ABHD6: variants seen among roughly 807,000 people sequenced by gnomAD.
ABHD6 encodes abhydrolase domain containing 6, acylglycerol lipase.
A neutral mutation model predicts 38.8 loss-of-function variants in ABHD6; 33 were observed. That is an observed-to-expected ratio of 0.85 (90% CI 0.64 to 1.14). ABHD6 has a LOEUF of 1.14. Among genes scored for constraint, ABHD6 ranks in the 50% most tolerant of loss-of-function variants. The pLI, the probability that ABHD6 is intolerant of heterozygous loss-of-function variation, is 0.00. For synonymous variants in ABHD6, 147 were observed against 161.6 expected (o/e 0.91, Z 0.69); for missense variants, 380 against 422.6 (o/e 0.90, Z 0.88).
At chr3:58,244,454 A>G (rs543689459) in intron 1 of ABHD6, among the ~76,000 whole-genome samples, 1 of 152,350 alleles carries the variant, frequency 6.6e-6, no homozygotes, top group East Asian at 1.9e-4. Flanking sequence ...GAGTCTACAC[A>G]AAATGAAGTC....
intron 4 of ABHD6, among the ~76,000 whole-genome samples, chr3:58,268,518 G>T (rs1227379480): frequency 1.3e-5 from 2 of 152,148 alleles, no homozygotes; most frequent in African/African-American, 4.8e-5. Context: ...GCTGGCAGAA[G>T]TCTTGGGCAG....
At chr3:58,255,939 C>G (rs181694467) in intron 2 of ABHD6, among the ~76,000 whole-genome samples, 1 of 152,120 alleles carries the variant, frequency 6.6e-6, no homozygotes, top group Admixed American at 6.6e-5. Context: ...GCCACTGCAC[C>G]TGTCTCCTTT....
At chr3:58,280,537 T>C (rs1397587780) in intron 7 of ABHD6, among the ~76,000 whole-genome samples, 3 of 152,226 alleles carry the variant, frequency 2.0e-5, no homozygotes, top group South Asian at 4.1e-4. Context: ...GGTTCAAACA[T>C]GCTCCTTTAG....
rs574159220 is a variant in ABHD6 at position 58,263,738 on chromosome 3, A to T, written c.120-3451A>T. ...ACCAGGTCCTTCCAGCTCTTCCATG[A>T]TCTCACACTGTACTTTGTATGAGAG... On this transcript the variant is annotated intron_variant, in intron 3 of 9. Coordinates refer to ENST00000478253, the MANE Select transcript of ABHD6 (RefSeq NM_001320126.2). This position sits in a 1 kb window ranked among gnomAD's most constrained non-coding sequence, Gnocchi z 4.9. Among the ~76,000 whole-genome samples the T allele has an allele frequency of 6.7e-4, 102 of 152,322 alleles. No homozygotes were observed. The highest frequency in any genetic ancestry group is 1.4e-3 in the Non-Finnish European group (93 of 68,036).
intron 3 of ABHD6, among the ~76,000 whole-genome samples, chr3:58,258,091 T>C (rs1418546714): frequency 6.6e-6 from 1 of 152,292 alleles, no homozygotes; most frequent in East Asian, 1.9e-4. Context: ...GCAGATCACC[T>C]GAGATCGGGA....
chr3:58,271,981 A>G (rs536272139), intron 6 of ABHD6, among the ~76,000 whole-genome samples: 156 of 151,978 alleles, frequency 1.0e-3, no homozygotes, highest in African/African-American at 3.5e-3. Context: ...GGCTAGGCAA[A>G]CTTGAATCCT....
Position 58,269,414 on chromosome 3 carries a change from C to T in ABHD6, c.370C>T (p.Gln124Ter), listed in dbSNP as rs2097443240. 6.2e-7 allele frequency: 1 copy of T among 1,613,536 alleles called. No homozygotes were observed. Among genetic ancestry groups the T allele is most frequent in the African/African-American group, 1.3e-5 (1 of 74,894 alleles). Residue 124 changes from glutamine (Q) to a stop codon, truncating the protein, a stop_gained, in exon 5 of 10, where the codon CAA becomes TAA. Transcript: ENST00000478253. LOFTEE classifies it high-confidence loss of function. The surrounding 1 kb of genome is among the most constrained non-coding windows in gnomAD (Gnocchi z 4.4). The stretch of plus-strand genomic sequence containing the variant: ...CCTGGATGACCTGTCCATAGATGGG[C>T]AAGTTAAGAGGATACACCAGGTAAG... ...SSLDDLSIDG[Q>*]VKRIHQFVEC...
At chr3:58,268,226 C>T (rs1227297555) in intron 4 of ABHD6, among the ~76,000 whole-genome samples, 1 of 152,218 alleles carries the variant, frequency 6.6e-6, no homozygotes, top group Non-Finnish European at 1.5e-5. Context: ...AGCTGCATCT[C>T]AGAACTGCTG....
chr3:58,282,486 C>T (rs1014314069), intron 7 of ABHD6, among the ~76,000 whole-genome samples: 1 of 152,164 alleles, frequency 6.6e-6, no homozygotes, highest in African/African-American at 2.4e-5. Flanking sequence ...ATTCCCAGCA[C>T]TTTGGGAGGC....
intron 1 of ABHD6, among the ~76,000 whole-genome samples, chr3:58,247,489 A>T (rs1338953000): frequency 1.3e-5 from 2 of 152,246 alleles, no homozygotes; most frequent in African/African-American, 4.8e-5. Context: ...TTAAGCAGCC[A>T]CATGTGACTA....
intron 3 of ABHD6, among the ~76,000 whole-genome samples, chr3:58,264,387 GCACACACACACACA>G (rs61099164): frequency 0.084 from 11,103 of 132,126 alleles, 597 homozygotes; most frequent in Middle Eastern, 0.12. Context: ...TTATATAAAC[GCACACACACACACA>G]CACACACACA....
rs35038625 is a variant in ABHD6 at position 58,266,432 on chromosome 3, T to TAA, written c.120-744_120-743dup. Among the ~76,000 whole-genome samples the TAA allele has an allele frequency of 1.5e-5, 2 of 132,544 alleles. No individual in the cohort carries two copies. Among genetic ancestry groups the TAA allele is most frequent in the Non-Finnish European group, 1.6e-5 (1 of 61,490 alleles). 87.0% of individuals were successfully genotyped at this position (132,544 alleles called of 152,430 possible). On this transcript the variant is annotated intron_variant, in intron 3 of 9. Coordinates refer to ENST00000478253, the MANE Select transcript of ABHD6 (RefSeq NM_001320126.2). This position sits in a 1 kb window ranked among gnomAD's most constrained non-coding sequence, Gnocchi z 4.0. ...GTGGGTGACAGAGCGAGACTGTATC[T>TAA]AAAAAAAAAAAAAACCTGACCAAAC...
At chr3:58,272,210 C>A (rs1356543381) in intron 6 of ABHD6, among the ~76,000 whole-genome samples, 1 of 152,142 alleles carries the variant, frequency 6.6e-6, no homozygotes, top group Non-Finnish European at 1.5e-5. Flanking sequence ...AGTTACCATG[C>A]AGGTCAAGAT....
At position 58,267,056 on chromosome 3, in the gene ABHD6, A is replaced by T; in HGVS notation, c.120-133A>T. On this transcript the variant is annotated intron_variant, in intron 3 of 9. Coordinates refer to ENST00000478253, the MANE Select transcript of ABHD6 (RefSeq NM_001320126.2). This position sits in a 1 kb window ranked among gnomAD's most constrained non-coding sequence, Gnocchi z 4.3. ...AAGCTCAGGAGGACTCTAGAGACTG[A>T]TGGAGGACAAGGGCTGGAGAAGTGT... 9.2e-6 allele frequency: 9 copies of T among 979,370 alleles called. No homozygotes were observed. Among genetic ancestry groups the T allele is most frequent in the Non-Finnish European group, 1.4e-5 (9 of 658,058 alleles). 60.7% of individuals were successfully genotyped at this position (979,370 alleles called of 1,614,324 possible). A position where few individuals can be genotyped will look rare whatever the true frequency, so the allele number is the denominator to read the frequency against.
At position 58,252,188 on chromosome 3, in the gene ABHD6, A is replaced by C. The variant is rs371763745; in HGVS notation, c.-26+2246A>C. On this transcript the variant is annotated intron_variant, in intron 2 of 9. Transcript: ENST00000478253. ...GACCATCACGATTTTTGCTATATTC[A>C]TGTGTCACCTACTAAGCATTTTTCT... 6.4e-5 allele frequency among the ~76,000 whole-genome samples: 9 copies of C among 141,376 alleles called. No individual in the cohort carries two copies. In the East Asian group the frequency reaches 1.9e-3, roughly 30 times the overall value. The allele number at this position is 141,376 out of a possible 152,430, so 92.7% of individuals were successfully genotyped here. A position where few individuals can be genotyped will look rare whatever the true frequency, so the allele number is the denominator to read the frequency against.
intron 7 of ABHD6, among the ~76,000 whole-genome samples, chr3:58,278,176 G>A (rs1271546592): frequency 6.6e-6 from 1 of 152,182 alleles, no homozygotes; most frequent in Non-Finnish European, 1.5e-5. Flanking sequence ...CAAAGGAATG[G>A]TACCAGCTCC....
chr3:58,242,138 G>A (rs997902879), intron 1 of ABHD6, among the ~76,000 whole-genome samples: 1 of 152,166 alleles, frequency 6.6e-6, no homozygotes, highest in African/African-American at 2.4e-5. Flanking sequence ...TCAAAGTCCC[G>A]GAGGTGTGGG....
chr3:58,271,605 T>A (rs1361561307), intron 6 of ABHD6, among the ~76,000 whole-genome samples: 5 of 152,076 alleles, frequency 3.3e-5, no homozygotes, highest in Non-Finnish European at 7.4e-5. Flanking sequence ...TCTACTGTTA[T>A]ATGTACATAT....
chr3:58,240,919 G>A (rs538154963), intron 1 of ABHD6, among the ~76,000 whole-genome samples: 11 of 152,024 alleles, frequency 7.2e-5, no homozygotes, highest in African/African-American at 2.4e-4. Context: ...TAGTAGAGAC[G>A]GGGTTTCTCC....
Sources: gnomAD v4.1 joint callset for allele counts (sites outside exome capture counted in the v4.1 genomes callset) on GRCh38, gnomAD v4.1.1 for gene constraint, Gnocchi (gnomAD v3.1) non-coding constraint, MANE v1.5 for transcripts, NCBI Gene and HGNC (gene_info 2026-07-23, HGNC 2026-07-21) for gene names.